JPH3: variants seen among roughly 807,000 people sequenced by gnomAD.
JPH3 encodes the protein junctophilin 3, also known as junctophilin-3.
Under a neutral mutation model 59.6 loss-of-function variants are expected in JPH3, and 11 were observed. The ratio of observed to expected loss-of-function variants is 0.18; its 90% CI spans 0.12 to 0.31. The LOEUF (loss-of-function observed/expected upper bound fraction) is 0.31, where lower values mean the gene tolerates loss of function less well. JPH3 is among the 10% of genes least tolerant of loss of function. JPH3 has a pLI of 1.00. For synonymous variants in JPH3, 673 were observed against 483.6 expected, an observed-to-expected ratio of 1.39 and a Z score of -5.14; for missense variants, 1,202 against 1,105.7, an observed-to-expected ratio of 1.09 and a Z score of -1.24.
chr16:87,688,689 C>G (rs1007810055), intron 3 of JPH3, among the ~76,000 whole-genome samples: 3 of 152,094 alleles, frequency 2.0e-5, no homozygotes, highest in Non-Finnish European at 2.9e-5. Context: ...CATTTTGGCT[C>G]GGGCAGGACG....
intron 2 of JPH3, among the ~76,000 whole-genome samples, chr16:87,680,204 C>T (rs1306997623): frequency 6.6e-6 from 1 of 152,274 alleles, no homozygotes; most frequent in Non-Finnish European, 1.5e-5. Context: ...CGGAGGGAGG[C>T]AGCAGCTCTC....
chr16:87,671,960 G>T (rs979944764), intron 2 of JPH3, among the ~76,000 whole-genome samples: 3 of 152,214 alleles, frequency 2.0e-5, no homozygotes, highest in African/African-American at 4.8e-5. Context: ...TCTGTGGGGG[G>T]TGGCCGCACC....
intron 4 of JPH3, chr16:87,694,890 C>T (rs74039471): frequency 0.013 from 3,025 of 226,700 alleles, 95 homozygotes; most frequent in African/African-American, 0.064. Context: ...ACTGCTCCTG[C>T]GCTTTCTCTG....
intron 2 of JPH3, among the ~76,000 whole-genome samples, chr16:87,652,420 T>C (rs955716303): frequency 6.6e-6 from 1 of 152,266 alleles, no homozygotes; most frequent in Non-Finnish European, 1.5e-5. Context: ...TTTTTTAAGA[T>C]ATAATGCTAT....
intron 1 of JPH3, among the ~76,000 whole-genome samples, chr16:87,637,862 G>T (rs1555536280): frequency 6.6e-6 from 1 of 152,128 alleles, no homozygotes; most frequent in Non-Finnish European, 1.5e-5. Context: ...ACCCCGTGCG[G>T]GGGCTGCTGG....
At chr16:87,683,020 G>A (rs182743620) in intron 2 of JPH3, among the ~76,000 whole-genome samples, 7 of 152,390 alleles carry the variant, frequency 4.6e-5, no homozygotes, top group East Asian at 1.9e-4. Context: ...GAGGGGTGAC[G>A]TGCCCGGCTG....
chr16:87,625,950 T>G (rs1240653942), intron 1 of JPH3, among the ~76,000 whole-genome samples: 1 of 152,182 alleles, frequency 6.6e-6, no homozygotes. Context: ...ACAGCGCACG[T>G]TCCACGGGAC....
At chr16:87,618,186 T>C (rs983863809) in intron 1 of JPH3, among the ~76,000 whole-genome samples, 18 of 151,538 alleles carry the variant, frequency 1.2e-4, no homozygotes, top group African/African-American at 4.4e-4. Flanking sequence ...AAATAAATAA[T>C]AAAACTTGGA....
chr16:87,655,689 T>C (rs921204809), intron 2 of JPH3, among the ~76,000 whole-genome samples: 9 of 152,220 alleles, frequency 5.9e-5, no homozygotes, highest in Admixed American at 4.6e-4. Flanking sequence ...ATTCCCTAAA[T>C]AGTCATAACC....
At position 87,645,005 on chromosome 16, in the gene JPH3, C is replaced by T; in HGVS notation, c.1130C>T (p.Ala377Val). Reference protein sequence around the residue: ...VEAAERAATIAKQKAEIAASR... With the variant: ...VEAAERAATIVKQKAEIAASR... ...GCCGCTGAGCGGGCCGCCACCATCG[C>T]CAAGCAGAAGGCTGAGATCGCGGCT... is the stretch of plus-strand genomic sequence containing the variant. Residue 377 changes from alanine (A) to valine (V), a missense_variant, in exon 2 of 5, where the codon GCC becomes GTC. Ala to Val is a moderately conservative substitution (Grantham distance 64). Coordinates refer to ENST00000284262, the MANE Select transcript of JPH3 (RefSeq NM_020655.4). 6.2e-7 allele frequency: 1 copy of T among 1,606,282 alleles called. No individual in the cohort carries two copies. Among genetic ancestry groups the T allele is most frequent in the Non-Finnish European group, 8.5e-7 (1 of 1,179,462 alleles).
At chr16:87,672,448 G>A (rs1290428843) in intron 2 of JPH3, among the ~76,000 whole-genome samples, 2 of 152,250 alleles carry the variant, frequency 1.3e-5, no homozygotes, top group Non-Finnish European at 1.5e-5. Context: ...CTCACTGTGA[G>A]GGTGGGCATG....
At chr16:87,628,685 A>T (rs2031464115) in intron 1 of JPH3, among the ~76,000 whole-genome samples, 1 of 152,152 alleles carries the variant, frequency 6.6e-6, no homozygotes, top group South Asian at 2.1e-4. Flanking sequence ...CTGTGCGAGA[A>T]TCGATTCAGT....
intron 1 of JPH3, among the ~76,000 whole-genome samples, chr16:87,642,428 C>T (rs1444914629): frequency 1.3e-5 from 2 of 152,206 alleles, no homozygotes; most frequent in Admixed American, 1.3e-4. Flanking sequence ...TTTCAGGAGA[C>T]AGAAGAGAGC....
At chr16:87,655,176 G>A (rs908283407) in intron 2 of JPH3, among the ~76,000 whole-genome samples, 2 of 152,162 alleles carry the variant, frequency 1.3e-5, no homozygotes, top group Admixed American at 6.5e-5. Context: ...CGAGTCTGCC[G>A]CTGTGGGCTT....
intron 4 of JPH3, chr16:87,695,095 G>A: frequency 2.8e-6 from 1 of 353,796 alleles, no homozygotes. Flanking sequence ...GGTCCCCGGT[G>A]TTCTCATCAA....
upstream of JPH3, among the ~76,000 whole-genome samples, chr16:87,602,381 T>C (rs1018876873): frequency 0.013 from 1,507 of 112,212 alleles, 34 homozygotes; most frequent in African/African-American, 0.047. Flanking sequence ...CCTAGCCTGC[T>C]GGGCCGCGCC....
chr16:87,657,986 C>T (rs1401971494), intron 2 of JPH3, among the ~76,000 whole-genome samples: 1 of 152,178 alleles, frequency 6.6e-6, no homozygotes, highest in Non-Finnish European at 1.5e-5. Context: ...CGCTCCAGGA[C>T]ATAAATGTCC....
intron 2 of JPH3, among the ~76,000 whole-genome samples, chr16:87,671,889 G>A (rs767445035): frequency 9.2e-5 from 14 of 152,222 alleles, no homozygotes; most frequent in South Asian, 2.1e-4. Context: ...GTAAAAAGGC[G>A]AACTGGGAGA....
At chr16:87,615,754 G>A (rs2030932035) in intron 1 of JPH3, among the ~76,000 whole-genome samples, 1 of 152,218 alleles carries the variant, frequency 6.6e-6, no homozygotes, top group African/African-American at 2.4e-5. Context: ...AGGTGGTGCT[G>A]GGACCACGCC....
Sources: gnomAD v4.1 joint callset for allele counts (sites outside exome capture counted in the v4.1 genomes callset) on GRCh38, gnomAD v4.1.1 for gene constraint, MANE v1.5 for transcripts, NCBI Gene and HGNC (gene_info 2026-07-23, HGNC 2026-07-21) for gene names.